SERPINA11: variants seen among roughly 807,000 people sequenced by gnomAD.
SERPINA11 encodes the protein serpin A11.
In SERPINA11, 28 loss-of-function variants were observed where a neutral mutation model predicts 29.4. That is an observed-to-expected ratio of 0.95 (90% CI 0.70 to 1.30). SERPINA11 has a LOEUF of 1.30. Among genes scored for constraint, SERPINA11 ranks in the 50% most tolerant of loss-of-function variants. SERPINA11 has a pLI of 0.00. For missense variants in SERPINA11, 530 were observed against 507.3 expected, an observed-to-expected ratio of 1.04 and a Z score of -0.43; for synonymous variants, 253 against 206.6, an observed-to-expected ratio of 1.22 and a Z score of -1.92.
At chr14:94,448,041 T>C (rs1445282433) in intron 2 of SERPINA11, 91 bp downstream of exon 2, 1 of 1,232,480 alleles carries the variant, frequency 8.1e-7, no homozygotes, top group South Asian at 1.4e-5. Context: ...TTTCCCCAAG[T>C]GGTTAGCAAA....
At chr14:94,442,973 C>G in intron 4 of SERPINA11, 105 bp downstream of exon 4, 1 of 1,403,980 alleles carries the variant, frequency 7.1e-7, no homozygotes. Flanking sequence ...ATAGTCTGCA[C>G]AGGACAAAGA....
At chr14:94,446,682 G>T in intron 2 of SERPINA11, 78 bp from the exon 3 acceptor site, 1 of 1,418,304 alleles carries the variant, frequency 7.1e-7, no homozygotes, top group Non-Finnish European at 9.6e-7. Flanking sequence ...CAAAACCACA[G>T]TTCCTCTTGG....
intron 3 of SERPINA11, 54 bp from the exon 4 acceptor site, chr14:94,443,279 C>T (rs1898378246): frequency 1.9e-6 from 3 of 1,557,250 alleles, no homozygotes; most frequent in Admixed American, 1.8e-5. Context: ...ATGTGCCACT[C>T]CTGCTCTGTC....
Position 94,448,548 on chromosome 14 carries a change from GAGA to G in SERPINA11, c.224_226del (p.Phe75del), listed in dbSNP as rs1566784075. On this transcript the variant is annotated inframe_deletion, in exon 2 of 5. Coordinates refer to ENST00000334708, the MANE Select transcript of SERPINA11 (RefSeq NM_001080451.2). ...CAGGGTGGTGGAGATGCTCACTGGC[GAGA>G]AGAAGATGTTTCCGGGGGCGTCTGC... 1.6e-5 allele frequency: 26 copies of G among 1,614,094 alleles called. No homozygotes were observed. Among genetic ancestry groups the G allele is most frequent in the Admixed American group, 6.7e-5 (4 of 60,004 alleles).
chr14:94,451,751 G>A (rs920760505), intron 1 of SERPINA11, among the ~76,000 whole-genome samples: 2 of 152,116 alleles, frequency 1.3e-5, no homozygotes, highest in African/African-American at 4.8e-5. Context: ...CCACCTCCTG[G>A]GTGTGGGGCC....
At position 94,448,716 on chromosome 14, in the gene SERPINA11, T is replaced by C; in HGVS notation, c.59A>G (p.Gln20Arg). 1 of 1,529,306 alleles carries C rather than the reference T, an allele frequency of 6.5e-7. No individual in the cohort carries two copies. Among genetic ancestry groups the C allele is most frequent in the Non-Finnish European group, 8.8e-7 (1 of 1,140,202 alleles). The allele number at this position is 1,529,306 out of a possible 1,614,324, so 94.7% of individuals were successfully genotyped here. The stretch of plus-strand genomic sequence containing the variant: ...TTTATCTCCATGGGCAAGAAGGGGC[T>C]GACAGTGGACAGAGGCCAGGATCCC... ...GTGILASVHC[Q>R]PLLAHGDKSL... Residue 20 changes from glutamine to arginine, a missense_variant, in exon 2 of 5, where the codon CAG becomes CGG. Physicochemically the swap from Gln to Arg is conservative, Grantham distance 43. Transcript: ENST00000334708.
Position 94,446,590 on chromosome 14 carries a change from G to T in SERPINA11, c.658C>A (p.Pro220Thr). ...TTCTGGGTCTGGTAGCGACTGAAAG[G>T]GTGCTTCCACTTGGCTTAGGACACA... ...YIFFKAKWKHPFSRYQTQKQE... is the reference protein window; with the variant it reads ...YIFFKAKWKHTFSRYQTQKQE... Residue 220 changes from proline to threonine, a missense_variant, in exon 3 of 5, where the codon CCT becomes ACT. Transcript: ENST00000334708. The T allele has an allele frequency of 1.2e-6, 2 of 1,613,692 alleles. No homozygotes were observed. Among genetic ancestry groups the T allele is most frequent in the Non-Finnish European group, 1.7e-6 (2 of 1,179,838 alleles).
At position 94,446,365 on chromosome 14, in the gene SERPINA11, T is replaced by A. The variant is rs1319198118; in HGVS notation, c.883A>T (p.Thr295Ser). 6 of 1,613,746 alleles carry A rather than the reference T, an allele frequency of 3.7e-6. No homozygotes were observed. The highest frequency in any genetic ancestry group is 5.1e-6 in the Non-Finnish European group (6 of 1,180,020). ...AGCAATTGGCCCCATTTTCTCAGGGTCTGTGGCTGCAGAGCAGCCTCCACC... is the reference window on the plus strand; with the variant it reads ...AGCAATTGGCCCCATTTTCTCAGGGACTGTGGCTGCAGAGCAGCCTCCACC... ...KQVEAALQPQ[T>S]LRKWGQLLLP... The change falls in exon 3 of 5, where the codon ACC (threonine) becomes TCC (serine). Residue 295 changes from threonine (T) to serine (S), a missense_variant. By Grantham distance (58) the Thr-to-Ser change is moderately conservative. Coordinates refer to ENST00000334708, the MANE Select transcript of SERPINA11 (RefSeq NM_001080451.2).
Position 94,448,388 on chromosome 14 carries a change from G to A in SERPINA11, c.387C>T (p.Pro129=), listed in dbSNP as rs1349111216. ...FRSLLHTLAL[P]SPKLELKVGN... Reference sequence around the variant, plus strand: ...CTACTTTTAGTTCGAGTTTGGGGCTGGGCAGGGCAAGGGTGTGGAGGAGGC... The same window carrying A: ...CTACTTTTAGTTCGAGTTTGGGGCTAGGCAGGGCAAGGGTGTGGAGGAGGC... Residue 129 remains proline (P), a synonymous_variant, in exon 2 of 5, where the codon CCC becomes CCT. Transcript: ENST00000334708. 1.2e-6 allele frequency: 2 copies of A among 1,614,190 alleles called. No homozygotes were observed. Among genetic ancestry groups the A allele is most frequent in the South Asian group, 2.2e-5 (2 of 91,080 alleles).
In SERPINA11 at chr14:94,443,120, G is replaced by T. The variant is rs1475350270; in HGVS notation, c.1023C>A (p.Asp341Glu). Residue 341 changes from aspartate (D) to glutamate (E), a missense_variant, in exon 4 of 5, where the codon GAC becomes GAA. Physicochemically the swap from Asp to Glu is conservative, Grantham distance 45 (BLOSUM62 2). Coordinates refer to ENST00000334708, the MANE Select transcript of SERPINA11 (RefSeq NM_001080451.2). ...GLTNILNLEA[D>E]FSGVTGQLNK... ...TGAGCTGCCCAGTGACTCCTGAGAA[G>T]TCAGCTTCTAAGTTGAGTATGTTGG... is the stretch of plus-strand genomic sequence containing the variant. The T allele has an allele frequency of 6.2e-7, 1 of 1,613,904 alleles. No individual in the cohort carries two copies. Among genetic ancestry groups the T allele is most frequent in the Non-Finnish European group, 8.5e-7 (1 of 1,179,954 alleles).
chr14:94,447,432 C>T (rs986993133), intron 2 of SERPINA11, among the ~76,000 whole-genome samples: 2 of 152,212 alleles, frequency 1.3e-5, no homozygotes, highest in African/African-American at 4.8e-5. Flanking sequence ...GGCCACCGTG[C>T]TACTTACTTT....
intron 2 of SERPINA11, among the ~76,000 whole-genome samples, chr14:94,447,121 A>G (rs1226633661): frequency 6.6e-6 from 1 of 152,122 alleles, no homozygotes; most frequent in Non-Finnish European, 1.5e-5. Context: ...TCCTTCACTC[A>G]CCCACTCCAA....
At chr14:94,450,592 A>G (rs1252713033) in intron 1 of SERPINA11, among the ~76,000 whole-genome samples, 2 of 152,194 alleles carry the variant, frequency 1.3e-5, no homozygotes, top group Non-Finnish European at 2.9e-5. Context: ...AACCTCCAGA[A>G]CTGTGAGTCA....
At chr14:94,446,773 C>T (rs945928714) in intron 2 of SERPINA11, among the ~76,000 whole-genome samples, 169 bp from the exon 3 acceptor site, 5 of 152,184 alleles carry the variant, frequency 3.3e-5, no homozygotes, top group Non-Finnish European at 5.9e-5. Context: ...GTCTCTAGGA[C>T]AAGTCACCAG....
chr14:94,447,124 C>G (rs1898458590), intron 2 of SERPINA11, among the ~76,000 whole-genome samples: 3 of 152,160 alleles, frequency 2.0e-5, no homozygotes. Flanking sequence ...TTCACTCACC[C>G]ACTCCAACTC....
In SERPINA11 at chr14:94,448,329, G is replaced by T; in HGVS notation, c.446C>A (p.Pro149His). The change falls in exon 2 of 5, where the codon CCT becomes CAT. Residue 149 changes from proline to histidine, a missense_variant. Transcript: ENST00000334708. ...GATGCTGTCCAAATAGTGCTGCCGA[G>T]GCTTTAGTCGCTTGTCTAGGAACAG... is the stretch of plus-strand genomic sequence containing the variant. ...NSLFLDKRLK[P>H]RQHYLDSIKE... 1.2e-6 allele frequency: 2 copies of T among 1,614,238 alleles called. No homozygotes were observed. Among genetic ancestry groups the T allele is most frequent in the Non-Finnish European group, 1.7e-6 (2 of 1,180,050 alleles).
chr14:94,450,008 A>C (rs892296576), intron 1 of SERPINA11, among the ~76,000 whole-genome samples: 1 of 152,150 alleles, frequency 6.6e-6, no homozygotes, highest in African/African-American at 2.4e-5. Flanking sequence ...AGGATCGGCC[A>C]TCTGGATGTG....
At chr14:94,445,501 GTTC>G (rs1283976179) in intron 3 of SERPINA11, among the ~76,000 whole-genome samples, 1 of 152,150 alleles carries the variant, frequency 6.6e-6, no homozygotes, top group Non-Finnish European at 1.5e-5. Context: ...TGTTTACAAT[GTTC>G]TTAATATTTA....
intron 3 of SERPINA11, among the ~76,000 whole-genome samples, chr14:94,444,880 A>G (rs1383894215): frequency 1.3e-5 from 2 of 152,158 alleles, no homozygotes; most frequent in East Asian, 3.9e-4. Context: ...CCACCCAGCC[A>G]TTGGCTCTCC....
Sources: gnomAD v4.1 joint callset for allele counts (sites outside exome capture counted in the v4.1 genomes callset) on GRCh38, gnomAD v4.1.1 for gene constraint, MANE v1.5 for transcripts, NCBI Gene and HGNC (gene_info 2026-07-23, HGNC 2026-07-21) for gene names.